The following CIITA variants were observed in gnomAD, a reference collection of about 807,000 sequenced individuals.
The protein encoded by CIITA is class II major histocompatibility complex transactivator.
A neutral mutation model predicts 115.1 loss-of-function variants in CIITA; 72 were observed. The ratio of observed to expected loss-of-function variants is 0.63; its 90% CI spans 0.52 to 0.76. The LOEUF (loss-of-function observed/expected upper bound fraction) is 0.76. Ranked by LOEUF, CIITA falls within the 30% of genes least tolerant of loss-of-function variation. The pLI, the probability that CIITA is intolerant of heterozygous loss-of-function variation, is 0.00. For synonymous variants in CIITA, 763 were observed against 635.6 expected (o/e 1.20, Z -3.02); for missense variants, 1,617 against 1,463.8 (o/e 1.10, Z -1.71).
intron 13 of CIITA, among the ~76,000 whole-genome samples, chr16:10,913,966 T>TAAATAAATAAATAAATAAATAAATAAAA (rs746599484): frequency 2.6e-5 from 2 of 77,452 alleles, no homozygotes; most frequent in Middle Eastern, 5.1e-3. Flanking sequence ...AATAAATAAA[T>TAAATAAATAAATAAATAAATAAATAAAA]AGAACTCCAT....
chr16:10,873,135 G>A (rs1257085801), upstream of CIITA, among the ~76,000 whole-genome samples: 1 of 152,074 alleles, frequency 6.6e-6, no homozygotes, highest in Non-Finnish European at 1.5e-5. Flanking sequence ...ACTATGCCCG[G>A]CTAATTTTTT....
At chr16:10,908,520 C>A (rs1015909494) in intron 11 of CIITA, 6 of 424,892 alleles carry the variant, frequency 1.4e-5, no homozygotes, top group Admixed American at 3.5e-5. Flanking sequence ...GGACTCTCTG[C>A]CTCCATTCTC....
At chr16:10,906,370 AAAAC>A in intron 10 of CIITA, 125 bp from the exon 11 acceptor site, 1 of 1,194,316 alleles carries the variant, frequency 8.4e-7, no homozygotes, top group Non-Finnish European at 1.2e-6. Flanking sequence ...AAAACAAAAC[AAAAC>A]AAACAAACAA....
At chr16:10,910,919 C>G (rs989306573) in intron 13 of CIITA, among the ~76,000 whole-genome samples, 1 of 152,206 alleles carries the variant, frequency 6.6e-6, no homozygotes, top group African/African-American at 2.4e-5. Flanking sequence ...AGCAACCCTA[C>G]TTGCCTGGGA....
intron 1 of CIITA, among the ~76,000 whole-genome samples, chr16:10,869,717 G>A (rs1198053150): frequency 6.6e-6 from 1 of 152,042 alleles, no homozygotes; most frequent in East Asian, 1.9e-4. Flanking sequence ...GTTTCTCCAA[G>A]TTGGCCAGGC....
At position 10,870,221 on chromosome 16, in the gene CIITA, A is replaced by G. The variant is rs192363475; in HGVS notation, c.-21+3902A>G. 5.9e-5 allele frequency among the ~76,000 whole-genome samples: 9 copies of G among 151,520 alleles called. No individual in the cohort carries two copies. In the East Asian group the frequency reaches 1.5e-3, roughly 26 times the overall value. ...AAGTACTGCTTTAGCTTCCTCTTCT[A>G]AACAACCCAAGGGGCTACCGTAAAT... On this transcript the variant is annotated intron_variant, in intron 1 of 5. Transcript: ENST00000636238.
At position 10,901,449 on chromosome 16, in the gene CIITA, C is replaced by T; in HGVS notation, c.437-65C>T. 1.3e-6 allele frequency: 2 copies of T among 1,572,186 alleles called. No homozygotes were observed. The highest frequency in any genetic ancestry group is 1.4e-5 in the African/African-American group (1 of 74,044). ...TTAAGGCCGTATAGCCTGCTAGAGT[C>T]CTGAGCCCCTTCTGGCTTGGGACAT... On this transcript the variant is annotated intron_variant, in intron 5 of 19. Coordinates refer to ENST00000324288, the MANE Select transcript of CIITA (RefSeq NM_000246.4). This position sits in a 1 kb window ranked among gnomAD's most constrained non-coding sequence, Gnocchi z 6.8.
rs1404754425 is a variant in CIITA at position 10,907,976 on chromosome 16, G to C, written c.2484G>C (p.Glu828Asp). The change falls in exon 11 of 20, where the codon GAG (glutamate) becomes GAC (aspartate). Residue 828 changes from glutamate (E) to aspartate (D), a missense_variant. Physicochemically the swap from Glu to Asp is conservative, Grantham distance 45. Transcript: ENST00000324288. This position sits in a 1 kb window ranked among gnomAD's most constrained non-coding sequence, Gnocchi z 5.0. Reference protein sequence around the residue: ...EAGIWQHVVQELPGRLSFLGT... With the variant: ...EAGIWQHVVQDLPGRLSFLGT... ...GAATTTGGCAGCACGTGGTACAGGA[G>C]CTCCCCGGCCGCCTCTCTTTTCTGG... 1.3e-6 allele frequency: 2 copies of C among 1,581,658 alleles called. No homozygotes were observed. The highest frequency in any genetic ancestry group is 1.7e-6 in the Non-Finnish European group (2 of 1,162,554).
At chr16:10,902,268 G>T (rs199476066) in intron 7 of CIITA, 84 bp downstream of exon 7, 6 of 1,561,978 alleles carry the variant, frequency 3.8e-6, no homozygotes, top group Non-Finnish European at 5.2e-6. Context: ...GGACTGTCAG[G>T]AACTGGACCT....
chr16:10,915,888 C>T (rs2039918187), intron 14 of CIITA, among the ~76,000 whole-genome samples: 1 of 152,188 alleles, frequency 6.6e-6, no homozygotes, highest in Admixed American at 6.5e-5. Context: ...TTTTTTCTCT[C>T]TTCCGCCTAC....
Position 10,934,095 on chromosome 16 carries a change from C to A in CIITA, c.*10240C>A, listed in dbSNP as rs1019125085. ...GTTGGCTGCCAAAGCTGATCAGCAGCGGGCTTTGTGAAGATGCCTGGTCTA... is the reference window on the plus strand; with the variant it reads ...GTTGGCTGCCAAAGCTGATCAGCAGAGGGCTTTGTGAAGATGCCTGGTCTA... On this transcript the variant is annotated 3_prime_UTR_variant, in exon 20 of 20. Transcript: ENST00000324288. The surrounding 1 kb of genome is among the most constrained non-coding windows in gnomAD (Gnocchi z 4.2). 1.3e-5 allele frequency: 2 copies of A among 152,358 alleles called. No individual in the cohort carries two copies. 9.4% of individuals were successfully genotyped at this position (152,358 alleles called of 1,614,324 possible).
At chr16:10,899,260 A>T (rs1273578884) in intron 5 of CIITA, among the ~76,000 whole-genome samples, 2 of 152,044 alleles carry the variant, frequency 1.3e-5, no homozygotes, top group African/African-American at 4.8e-5. Context: ...GAGACACCAC[A>T]CTTCAGCCAC....
At chr16:10,908,277 T>C in intron 11 of CIITA, 128 bp downstream of exon 11, 1 of 1,080,268 alleles carries the variant, frequency 9.3e-7, no homozygotes, top group Non-Finnish European at 1.4e-6. Context: ...GAATGGATTC[T>C]CTCCATTTTT....
rs555538207 is a variant in CIITA at position 10,923,662 on chromosome 16, G to C, written c.*23-216G>C. The stretch of plus-strand genomic sequence containing the variant: ...GGCTTGGTGGCTGCCCTGATGCTCC[G>C]GGTTTGTCTCAGATGAACTTGCTTG... On this transcript the variant is annotated intron_variant, in intron 19 of 19. Transcript: ENST00000324288. This position sits in a 1 kb window ranked among gnomAD's most constrained non-coding sequence, Gnocchi z 5.2. 2.0e-4 allele frequency among the ~76,000 whole-genome samples: 31 copies of C among 152,116 alleles called. No homozygotes were observed. The highest frequency in any genetic ancestry group is 6.8e-4 in the African/African-American group (28 of 41,466).
Position 10,877,387 on chromosome 16 carries a change from A to C in CIITA, c.52+5A>C. ...CCTACCTGTCAGAGCCCCAAGGTAA[A>C]AAGGCCGGGAAAGCATCTTAATTTA... On this transcript the variant is annotated splice_donor_5th_base_variant and intron_variant, in intron 1 of 19. Transcript: ENST00000324288. The C allele has an allele frequency of 6.2e-7, 1 of 1,612,152 alleles. No homozygotes were observed. The highest frequency in any genetic ancestry group is 1.3e-5 in the African/African-American group (1 of 74,978).
rs2040574872 is a variant in CIITA, at chr16:10,927,382, T to C, written c.*3527T>C. The C allele has an allele frequency of 6.6e-6, 1 of 152,248 alleles. No homozygotes were observed. The highest frequency in any genetic ancestry group is 1.5e-5 in the Non-Finnish European group (1 of 68,056). 9.4% of individuals were successfully genotyped at this position (152,248 alleles called of 1,614,324 possible). A position where few individuals can be genotyped will look rare whatever the true frequency, so the allele number is the denominator to read the frequency against. ...TCTCGCTTTGTACACTGCTGTGCCC[T>C]CTGTACCCAGCAAGGCGCCTGTGTA... On this transcript the variant is annotated 3_prime_UTR_variant, in exon 20 of 20. Transcript: ENST00000324288.
chr16:10,918,335 C>T, intron 15 of CIITA, 105 bp from the exon 16 acceptor site: 1 of 1,012,992 alleles, frequency 9.9e-7, no homozygotes, highest in Non-Finnish European at 1.6e-6. Flanking sequence ...TAGCTTAAGT[C>T]TGTCGACAGC....
intron 16 of CIITA, among the ~76,000 whole-genome samples, chr16:10,921,900 G>A (rs2040290769): frequency 6.6e-6 from 1 of 152,240 alleles, no homozygotes; most frequent in Admixed American, 6.5e-5. Context: ...CCCTGAACAA[G>A]AGAACTAGTG....
chr16:10,909,238 A>G, intron 12 of CIITA, 51 bp downstream of exon 12: 3 of 1,590,514 alleles, frequency 1.9e-6, no homozygotes, highest in Non-Finnish European at 2.6e-6. Flanking sequence ...GGTTGAGGAC[A>G]TGTAGGACCC....
Sources: gnomAD v4.1 joint callset for allele counts (sites outside exome capture counted in the v4.1 genomes callset) on GRCh38, gnomAD v4.1.1 for gene constraint, Gnocchi (gnomAD v3.1) non-coding constraint, MANE v1.5 for transcripts, NCBI Gene and HGNC (gene_info 2026-07-23, HGNC 2026-07-21) for gene names.